Variants in ARHGEF15 observed in about 807,000 individuals in gnomAD.
ARHGEF15 encodes the protein Rho guanine nucleotide exchange factor 15.
ARHGEF15 carries 58 observed loss-of-function variants against 79.7 expected under a neutral mutation model. The observed-to-expected ratio is 0.73, with a 90% CI of 0.59 to 0.91. The LOEUF (loss-of-function observed/expected upper bound fraction) is 0.91. Ranked by LOEUF, ARHGEF15 falls within the 40% of genes least tolerant of loss-of-function variation. The pLI, the probability that ARHGEF15 is intolerant of heterozygous loss-of-function variation, is 0.00. For synonymous variants in ARHGEF15, 442 were observed against 456.0 expected (o/e 0.97, Z 0.39); for missense variants, 1,012 against 1,108.1 (o/e 0.91, Z 1.23).
chr17:8,319,136 C>T lies in ARHGEF15; in HGVS notation c.2163C>T (p.His721=), dbSNP rs1426031408. ...GCAACCACCAGGGCCGCCCCACCCA[C>T]CGACTACTCCAAGCTTCTTCCCTGT... ...LLSNHQGRPT[H]RLLQASSLSD... is the part of the protein sequence containing the mutation. The change falls in exon 13 of 16, where the codon CAC becomes CAT. Residue 721 remains histidine, a synonymous_variant. Coordinates refer to ENST00000361926, the MANE Select transcript of ARHGEF15 (RefSeq NM_173728.4). 1 of 1,613,774 alleles carries T rather than the reference C, an allele frequency of 6.2e-7. No homozygotes were observed. The highest frequency in any genetic ancestry group is 8.5e-7 in the Non-Finnish European group (1 of 1,179,972).
At chr17:8,314,991 C>G in intron 5 of ARHGEF15, 27 bp downstream of exon 5, 1 of 1,613,874 alleles carries the variant, frequency 6.2e-7, no homozygotes, top group Non-Finnish European at 8.5e-7. Context: ...CTGAGGGTCC[C>G]TGCTGTGACC....
At chr17:8,317,000 A>G (rs1187173520) in intron 9 of ARHGEF15, among the ~76,000 whole-genome samples, 1 of 151,442 alleles carries the variant, frequency 6.6e-6, no homozygotes, top group Non-Finnish European at 1.5e-5. Context: ...CCAGGCTGCT[A>G]TCGAACTCCT....
In ARHGEF15 at chr17:8,318,634, C is replaced by G; in HGVS notation, c.1844C>G (p.Thr615Ser). ...CAGACTGAAGAGCTGATCCGGCTCA[C>G]CCAAAGGCTGCGCTTCCACAAAGTC... Reference protein sequence around the residue: ...MKQTEELIRLTQRLRFHKVKA... With the variant: ...MKQTEELIRLSQRLRFHKVKA... Residue 615 changes from threonine (T) to serine (S), a missense_variant, in exon 11 of 16, where the codon ACC becomes AGC. This residue lies in a region of ARHGEF15 where 818 missense variants were observed against 882.5 expected (regional missense o/e 0.93). Coordinates refer to ENST00000361926, the MANE Select transcript of ARHGEF15 (RefSeq NM_173728.4). This position sits in a 1 kb window ranked among gnomAD's most constrained non-coding sequence, Gnocchi z 5.0. The G allele has an allele frequency of 6.2e-7, 1 of 1,613,612 alleles. No individual in the cohort carries two copies. The highest frequency in any genetic ancestry group is 8.5e-7 in the Non-Finnish European group (1 of 1,179,622).
In ARHGEF15 at chr17:8,313,017, G is replaced by A. The variant is rs1173084951; in HGVS notation, c.697G>A (p.Glu233Lys). 3.1e-6 allele frequency: 5 copies of A among 1,612,858 alleles called. No individual in the cohort carries two copies. Among genetic ancestry groups the A allele is most frequent in the Non-Finnish European group, 4.2e-6 (5 of 1,179,566 alleles). ...ATGGGTGCCTGTGGGGGGCTATGAGGAGGTCCCCAGGGTCCCCCGTCGGGC... is the reference window on the plus strand; with the variant it reads ...ATGGGTGCCTGTGGGGGGCTATGAGAAGGTCCCCAGGGTCCCCCGTCGGGC... Reference protein sequence around the residue: ...LRWVPVGGYEEVPRVPRRASP... With the variant: ...LRWVPVGGYEKVPRVPRRASP... Residue 233 changes from glutamate to lysine, a missense_variant, in exon 3 of 16, where the codon GAG (glutamate) becomes AAG (lysine). Coordinates refer to ENST00000361926, the MANE Select transcript of ARHGEF15 (RefSeq NM_173728.4).
chr17:8,312,949 GC>G lies in ARHGEF15; in HGVS notation c.633del (p.Cys212ValfsTer124). The G allele has an allele frequency of 6.3e-7, 1 of 1,586,348 alleles. No homozygotes were observed. The highest frequency in any genetic ancestry group is 8.6e-7 in the Non-Finnish European group (1 of 1,165,884). ...GCTGGCCTGGCCTGCCCTCCCTGCT[GC>G]CCCTGTGTCTGCCACACCACCCGGC... is the stretch of plus-strand genomic sequence containing the variant. ...PDAGLACPPC[C>X]PCVCHTTRPG... On this transcript the variant is annotated frameshift_variant, in exon 3 of 16. Transcript: ENST00000361926. LOFTEE classifies it high-confidence loss of function.
Position 8,318,379 on chromosome 17 carries a change from G to T in ARHGEF15, c.1705-8G>T, listed in dbSNP as rs545314176. 6.8e-6 allele frequency: 11 copies of T among 1,613,244 alleles called. No individual in the cohort carries two copies. The South Asian group carries it at 1.2e-4, about 18-fold the overall frequency. ...GGGGGCCCAGTCACCCTTCCTCCTT[G>T]TCCCCAGAATATCCTGCGCCAGACA... On this transcript the variant is annotated splice_region_variant and splice_polypyrimidine_tract_variant and intron_variant, in intron 9 of 15. Coordinates refer to ENST00000361926, the MANE Select transcript of ARHGEF15 (RefSeq NM_173728.4). The surrounding 1 kb of genome is among the most constrained non-coding windows in gnomAD (Gnocchi z 5.0).
Position 8,315,147 on chromosome 17 carries a change from C to G in ARHGEF15, c.1130C>G (p.Ala377Gly). ...GGTGAGGATGGGAGTCCTTCTCCAG[C>G]AAATGCTGGAGATGCACCCACCTTC... ...GVGEDGSPSP[A>G]NAGDAPTFPR... Residue 377 changes from alanine (A) to glycine (G), a missense_variant, in exon 6 of 16, where the codon GCA becomes GGA. Transcript: ENST00000361926. The surrounding 1 kb of genome is among the most constrained non-coding windows in gnomAD (Gnocchi z 4.3). The G allele has an allele frequency of 6.2e-7, 1 of 1,614,072 alleles. No individual in the cohort carries two copies. Among genetic ancestry groups the G allele is most frequent in the Non-Finnish European group, 8.5e-7 (1 of 1,179,992 alleles).
rs1904759088 is a variant in ARHGEF15 at position 8,313,043 on chromosome 17, C to G, written c.723C>G (p.Ala241=). The G allele has an allele frequency of 6.2e-7, 1 of 1,613,436 alleles. No individual in the cohort carries two copies. The highest frequency in any genetic ancestry group is 1.3e-5 in the African/African-American group (1 of 74,928). The change falls in exon 3 of 16, where the codon GCC becomes GCG. Residue 241 remains alanine (A), a synonymous_variant. Coordinates refer to ENST00000361926, the MANE Select transcript of ARHGEF15 (RefSeq NM_173728.4). ...AGGTCCCCAGGGTCCCCCGTCGGGCCTCCCCGCTGCGGACCTCTCGCTCCC... is the reference window on the plus strand; with the variant it reads ...AGGTCCCCAGGGTCCCCCGTCGGGCGTCCCCGCTGCGGACCTCTCGCTCCC... The part of the protein sequence containing the change: ...YEEVPRVPRR[A]SPLRTSRSRP...
chr17:8,316,194 G>C (rs750675646), intron 9 of ARHGEF15, 46 bp downstream of exon 9: 1 of 1,587,078 alleles, frequency 6.3e-7, no homozygotes, highest in Admixed American at 1.7e-5. Flanking sequence ...AACCCCATCG[G>C]AGAACTCTCC....
At chr17:8,319,724 C>A in intron 15 of ARHGEF15, 121 bp downstream of exon 15, 1 of 741,870 alleles carries the variant, frequency 1.3e-6, no homozygotes, top group Non-Finnish European at 2.0e-6. Flanking sequence ...CAACCTCTGC[C>A]TCCTGGGTTC....
In ARHGEF15 at chr17:8,319,147, A is replaced by C; in HGVS notation, c.2174A>C (p.Gln725Pro). ...GGCCGCCCCACCCACCGACTACTCC[A>C]AGCTTCTTCCCTGTGAGTTGTGTTT... ...HQGRPTHRLL[Q>P]ASSLSDMQRW... The change falls in exon 13 of 16, where the codon CAA becomes CCA. Residue 725 changes from glutamine to proline, a missense_variant. Coordinates refer to ENST00000361926, the MANE Select transcript of ARHGEF15 (RefSeq NM_173728.4). 1 of 1,613,598 alleles carries C rather than the reference A, an allele frequency of 6.2e-7. No homozygotes were observed.
Position 8,319,413 on chromosome 17 carries a change from G to A in ARHGEF15, c.2269+19G>A. On this transcript the variant is annotated intron_variant, in intron 14 of 15. Coordinates refer to ENST00000361926, the MANE Select transcript of ARHGEF15 (RefSeq NM_173728.4). ...GACTGTGGTGAGTATCCCCCTAGAG[G>A]GGATGAGGGAAGAAAAAGCGAGTCT... The A allele has an allele frequency of 6.2e-7, 1 of 1,604,244 alleles. No homozygotes were observed. The highest frequency in any genetic ancestry group is 8.5e-7 in the Non-Finnish European group (1 of 1,176,092).
Position 8,318,048 on chromosome 17 carries a change from G to T in ARHGEF15, c.1705-339G>T, listed in dbSNP as rs921734868. 3 of 184,326 alleles carry T rather than the reference G, an allele frequency of 1.6e-5. No individual in the cohort carries two copies. Among genetic ancestry groups the T allele is most frequent in the Non-Finnish European group, 3.4e-5 (3 of 87,614 alleles). The allele number at this position is 184,326 out of a possible 1,614,324, so 11.4% of individuals were successfully genotyped here. On this transcript the variant is annotated intron_variant, in intron 9 of 15. Coordinates refer to ENST00000361926, the MANE Select transcript of ARHGEF15 (RefSeq NM_173728.4). This position sits in a 1 kb window ranked among gnomAD's most constrained non-coding sequence, Gnocchi z 5.0. Reference sequence around the variant, plus strand: ...CGCACCCCTGCACTCCAGCCTGGGTGACAGAGCCAGACTCCGGAAGAAAAA... The same window carrying T: ...CGCACCCCTGCACTCCAGCCTGGGTTACAGAGCCAGACTCCGGAAGAAAAA...
chr17:8,313,115 C>T lies in ARHGEF15; in HGVS notation c.795C>T (p.Ser265=). The change falls in exon 3 of 16, where the codon TCC becomes TCT. Residue 265 remains serine, a synonymous_variant. Transcript: ENST00000361926. The part of the protein sequence containing the change: ...SIGHPAVVLT[S]YRSTAERKLL... Reference sequence around the variant, plus strand: ...GTCACCCTGCCGTTGTCCTCACATCCTACCGCTCCACTGCTGAGCGCAAAC... The same window carrying T: ...GTCACCCTGCCGTTGTCCTCACATCTTACCGCTCCACTGCTGAGCGCAAAC... The T allele has an allele frequency of 6.2e-7, 1 of 1,613,534 alleles. No individual in the cohort carries two copies. The highest frequency in any genetic ancestry group is 8.5e-7 in the Non-Finnish European group (1 of 1,179,934).
In ARHGEF15 at chr17:8,318,819, A is replaced by AG. The variant is rs752138065; in HGVS notation, c.1949dup (p.Val651ArgfsTer18). On this transcript the variant is annotated frameshift_variant, in exon 12 of 16. Transcript: ENST00000361926. LOFTEE classifies it high-confidence loss of function. This position sits in a 1 kb window ranked among gnomAD's most constrained non-coding sequence, Gnocchi z 5.0. ...AGAGCTGACTGAGTTAGGGTGCCGG[A>AG]GGGGGGGCGTGCTCTTTGCCTCGCG... 2.9e-5 allele frequency: 46 copies of AG among 1,613,314 alleles called. No individual in the cohort carries two copies. The highest frequency in any genetic ancestry group is 1.4e-4 in the South Asian group (13 of 91,078).
chr17:8,313,085 C>T lies in ARHGEF15; in HGVS notation c.765C>T (p.Ser255=), dbSNP rs368975957. The T allele has an allele frequency of 8.1e-6, 13 of 1,613,266 alleles. No individual in the cohort carries two copies. In the African/African-American group the frequency reaches 1.7e-4, roughly 22 times the overall value. ...RTSRSRPHPP[S]IGHPAVVLTS... ...CTCGCTCCCGCCCCCACCCTCCAAGCATCGGTCACCCTGCCGTTGTCCTCA... is the reference window on the plus strand; with the variant it reads ...CTCGCTCCCGCCCCCACCCTCCAAGTATCGGTCACCCTGCCGTTGTCCTCA... The change falls in exon 3 of 16, where the codon AGC becomes AGT. Residue 255 remains serine, a synonymous_variant. Transcript: ENST00000361926.
At chr17:8,314,108 C>G (rs1449806211) in intron 4 of ARHGEF15, 1 of 152,200 alleles carries the variant, frequency 6.6e-6, no homozygotes, top group African/African-American at 2.4e-5. Context: ...TAGGAACCAC[C>G]TCATGGAATC....
intron 9 of ARHGEF15, among the ~76,000 whole-genome samples, chr17:8,316,588 G>A (rs181893859): frequency 6.6e-6 from 1 of 152,342 alleles, no homozygotes; most frequent in Admixed American, 6.5e-5. Flanking sequence ...CTTTGGGGGT[G>A]AAAATAATCT....
chr17:8,314,337 C>G (rs1245178445), intron 4 of ARHGEF15, among the ~76,000 whole-genome samples: 2 of 152,108 alleles, frequency 1.3e-5, no homozygotes, highest in Admixed American at 6.5e-5. Flanking sequence ...CAAACATTTA[C>G]TAGTGTGGTT....
Sources: gnomAD v4.1 joint callset for allele counts (sites outside exome capture counted in the v4.1 genomes callset) on GRCh38, gnomAD v4.1.1 for gene constraint, gnomAD v4.1.1 regional missense constraint, Gnocchi (gnomAD v3.1) non-coding constraint, MANE v1.5 for transcripts, NCBI Gene and HGNC (gene_info 2026-07-23, HGNC 2026-07-21) for gene names.